Variants in LONP1 observed in about 807,000 individuals in gnomAD.
The protein encoded by LONP1 is lon protease homolog, mitochondrial.
Under a neutral mutation model 98.5 loss-of-function variants are expected in LONP1, and 31 were observed. The ratio of observed to expected loss-of-function variants is 0.31; its 90% CI spans 0.24 to 0.42. The LOEUF (loss-of-function observed/expected upper bound fraction) is 0.42. Ranked by LOEUF, LONP1 falls within the 20% of genes least tolerant of loss-of-function variation. The pLI is 1.00. For missense variants in LONP1, 1,336 were observed against 1,350.6 expected, an observed-to-expected ratio of 0.99 and a Z score of 0.17; for synonymous variants, 781 against 594.7, an observed-to-expected ratio of 1.31 and a Z score of -4.56.
At chr19:5,702,699 T>C (rs2055076368) in intron 8 of LONP1, among the ~76,000 whole-genome samples, 1 of 152,150 alleles carries the variant, frequency 6.6e-6, no homozygotes, top group Non-Finnish European at 1.5e-5. Flanking sequence ...CTTGGGATCC[T>C]GTTGATCGGT....
At chr19:5,697,518 AAGAGGGAGG>A (rs1378478507) in intron 10 of LONP1, among the ~76,000 whole-genome samples, 44 of 132,874 alleles carry the variant, frequency 3.3e-4, no homozygotes, top group African/African-American at 1.2e-3. Context: ...GGGGGGAGAG[AAGAGGGAGG>A]AGAGGGGGAA....
chr19:5,719,557 T>C, intron 1 of LONP1, 147 bp downstream of exon 1: 1 of 1,467,874 alleles, frequency 6.8e-7, no homozygotes, highest in South Asian at 1.4e-5. Context: ...AAGCTAGTGG[T>C]GAGCAGACAA....
intron 1 of LONP1, among the ~76,000 whole-genome samples, chr19:5,718,979 C>T (rs532588626): frequency 4.6e-4 from 70 of 152,194 alleles, no homozygotes; most frequent in Non-Finnish European, 7.9e-4. Context: ...CCATGCTCTA[C>T]TATTTCTCGT....
intron 10 of LONP1, 36 bp from the exon 11 acceptor site, chr19:5,696,793 A>G: frequency 6.7e-7 from 1 of 1,494,902 alleles, no homozygotes; most frequent in Non-Finnish European, 9.3e-7. Context: ...GTCACTTGGT[A>G]GCCTGGCTCG....
At chr19:5,693,490 G>T (rs937874248) in intron 16 of LONP1, 28 bp from the exon 17 acceptor site, 3 of 1,611,546 alleles carry the variant, frequency 1.9e-6, no homozygotes, top group South Asian at 2.2e-5. Flanking sequence ...GATAGTGGGT[G>T]AGCAGGTGGC....
intron 13 of LONP1, 148 bp from the exon 14 acceptor site, chr19:5,695,049 G>T: frequency 1.1e-6 from 1 of 923,286 alleles, no homozygotes; most frequent in Non-Finnish European, 1.6e-6. Context: ...TGGACACCCC[G>T]CCCTGCCACC....
intron 5 of LONP1, 86 bp from the exon 6 acceptor site, chr19:5,707,912 G>T (rs1288177151): frequency 3.3e-6 from 5 of 1,510,340 alleles, no homozygotes; most frequent in Non-Finnish European, 3.6e-6. Flanking sequence ...GGTCCTCAGG[G>T]TCCCTGTCCC....
At chr19:5,694,006 G>A (rs2054879366) in intron 15 of LONP1, among the ~76,000 whole-genome samples, 1 of 152,184 alleles carries the variant, frequency 6.6e-6, no homozygotes, top group Non-Finnish European at 1.5e-5. Flanking sequence ...CAGAGGACAC[G>A]CCCAGGGCTA....
Position 5,719,842 on chromosome 19 carries a change from C to T in LONP1, c.291G>A (p.Ala97=), listed in dbSNP as rs1568332121. 25 of 1,607,616 alleles carry T rather than the reference C, an allele frequency of 1.6e-5. No homozygotes were observed. Among genetic ancestry groups the T allele is most frequent in the Non-Finnish European group, 2.0e-5 (24 of 1,177,744 alleles). The part of the protein sequence containing the change: ...EGGAEEGAGG[A]GGSAGAGEGP... ...CTTCCCCGGCGCCCGCGCTGCCCCC[C>T]GCGCCGCCGGCTCCTTCCTCCGCGC... Residue 97 remains alanine, a synonymous_variant, in exon 1 of 18, where the codon GCG becomes GCA. Transcript: ENST00000360614.
rs150624477 is a variant in LONP1 at position 5,694,460 on chromosome 19, G to A, written c.2247C>T (p.Pro749=). The A allele has an allele frequency of 2.2e-5, 36 of 1,613,262 alleles. No homozygotes were observed. Among genetic ancestry groups the A allele is most frequent in the Middle Eastern group, 1.6e-4 (1 of 6,084 alleles). The change falls in exon 15 of 18, where the codon CCC becomes CCT. Residue 749 remains proline, a synonymous_variant. Transcript: ENST00000360614. ...PENLQDFVGK[P]VFTVERMYDV... is the part of the protein sequence containing the mutation. ...CATACATGCGCTCCACGGTGAACAC[G>A]GGCTTCCCCACGAAGTCCTGCAGGT...
At chr19:5,697,347 G>A (rs937173515) in intron 10 of LONP1, among the ~76,000 whole-genome samples, 1 of 151,820 alleles carries the variant, frequency 6.6e-6, no homozygotes, top group Non-Finnish European at 1.5e-5. Flanking sequence ...GTGTCTTAGG[G>A]AGAGGCCCCG....
Position 5,696,326 on chromosome 19 carries a change from G to C in LONP1, c.1819C>G (p.Leu607Val), listed in dbSNP as rs149685141. 1 of 1,613,406 alleles carries C rather than the reference G, an allele frequency of 6.2e-7. No individual in the cohort carries two copies. The highest frequency in any genetic ancestry group is 2.2e-5 in the East Asian group (1 of 44,872). Residue 607 changes from leucine to valine, a missense_variant, in exon 12 of 18, where the codon CTG becomes GTG. Physicochemically the swap from Leu to Val is conservative, Grantham distance 32. This residue lies in a region of LONP1 where 555 missense variants were observed against 542.6 expected (regional missense o/e 1.02). Coordinates refer to ENST00000360614, the MANE Select transcript of LONP1 (RefSeq NM_004793.4). ...RGYQGDPSSA[L>V]LELLDPEQNA... is the part of the protein sequence containing the mutation. ...TGCTCTGGGTCCAGCAGCTCCAGCA[G>C]TGCCGACGACGGGTCCCCCTGGTAG...
At chr19:5,713,322 G>A in intron 2 of LONP1, 69 bp from the exon 3 acceptor site, 6 of 1,508,966 alleles carry the variant, frequency 4.0e-6, no homozygotes, top group Admixed American at 1.7e-5. Context: ...CTCTGGCTGA[G>A]ATGGAGGAGG....
chr19:5,700,763 C>A, intron 9 of LONP1, 26 bp downstream of exon 9: 1 of 1,613,182 alleles, frequency 6.2e-7, no homozygotes. Flanking sequence ...CATGCAAATC[C>A]ACAACAGGCC....
At chr19:5,714,344 C>T (rs2145629039) in intron 1 of LONP1, 73 bp from the exon 2 acceptor site, 4 of 1,067,636 alleles carry the variant, frequency 3.7e-6, no homozygotes, top group Admixed American at 3.6e-5. Context: ...ATTCTGTTGC[C>T]CTGGCTGGAA....
intron 2 of LONP1, among the ~76,000 whole-genome samples, chr19:5,713,809 T>C (rs917233512): frequency 7.9e-5 from 12 of 152,234 alleles, no homozygotes; most frequent in African/African-American, 2.6e-4. Flanking sequence ...GTGATCCACA[T>C]GCCTCAGCCT....
Position 5,700,831 on chromosome 19 carries a change from C to T in LONP1, c.1464G>A (p.Glu488=). 1 of 1,614,234 alleles carries T rather than the reference C, an allele frequency of 6.2e-7. No individual in the cohort carries two copies. The highest frequency in any genetic ancestry group is 1.3e-5 in the African/African-American group (1 of 75,064). The stretch of plus-strand genomic sequence containing the variant: ...CGTCCTCCATGCCGTAGTGGTCTTC[C>T]TCCAGCACTGCCTGTGCCCGCGCCA... ...LDLARAQAVL[E]EDHYGMEDVK... The change falls in exon 9 of 18, where the codon GAG becomes GAA. Residue 488 remains glutamate (E), a synonymous_variant. Transcript: ENST00000360614.
chr19:5,705,969 G>A lies in LONP1; in HGVS notation c.1170C>T (p.Thr390=). Residue 390 remains threonine, a synonymous_variant, in exon 8 of 18, where the codon ACC becomes ACT. Coordinates refer to ENST00000360614, the MANE Select transcript of LONP1 (RefSeq NM_004793.4). The part of the protein sequence containing the change: ...GREVEEKIKQ[T]HRKYLLQEQL... ...GCTCCTGCAGCAGGTACTTACGGTG[G>A]GTCTGCTTGATCTTCTCCTCCACCT... The A allele has an allele frequency of 6.2e-7, 1 of 1,612,856 alleles. No homozygotes were observed. The highest frequency in any genetic ancestry group is 8.5e-7 in the Non-Finnish European group (1 of 1,179,902).
chr19:5,716,996 T>G (rs1287176420), intron 1 of LONP1, among the ~76,000 whole-genome samples: 8 of 152,110 alleles, frequency 5.3e-5, no homozygotes, highest in Admixed American at 3.3e-4. Flanking sequence ...GGGTTTCACC[T>G]TGTTAGCCAG....
Sources: gnomAD v4.1 joint callset for allele counts (sites outside exome capture counted in the v4.1 genomes callset) on GRCh38, gnomAD v4.1.1 for gene constraint, gnomAD v4.1.1 regional missense constraint, MANE v1.5 for transcripts, NCBI Gene and HGNC (gene_info 2026-07-23, HGNC 2026-07-21) for gene names.